IQCM: variants seen among roughly 807,000 people sequenced by gnomAD.
IQCM encodes the protein IQ motif containing M.
In IQCM, 45 loss-of-function variants were observed where a neutral mutation model predicts 57.6. The observed-to-expected ratio is 0.78, with a 90% CI of 0.62 to 1.00. The LOEUF is 1.00. Ranked by LOEUF, IQCM falls within the 50% of genes least tolerant of loss-of-function variation. The probability of loss-of-function intolerance (pLI) is 0.00; values close to 1 mark genes in which losing one functional copy is unlikely to be tolerated. For missense variants in IQCM, 468 were observed against 511.6 expected, an observed-to-expected ratio of 0.91 and a Z score of 0.82; for synonymous variants, 148 against 158.9, an observed-to-expected ratio of 0.93 and a Z score of 0.51.
In IQCM at chr4:149,687,920, C is replaced by T. The variant is rs1762665112; in HGVS notation, c.386-1452G>A. ...AGCACCGCTTTATGATTAAAACTCC[C>T]AGCAAAATCAGCATACAAGGGACAT... On this transcript the variant is annotated intron_variant, in intron 5 of 13. Transcript: ENST00000636793. Among the ~76,000 whole-genome samples the T allele has an allele frequency of 2.6e-5, 4 of 151,962 alleles. No individual in the cohort carries two copies. In the South Asian group the frequency reaches 8.3e-4, roughly 32 times the overall value.
chr4:149,804,593 T>A (rs1299672002), intron 2 of IQCM, among the ~76,000 whole-genome samples: 1 of 152,108 alleles, frequency 6.6e-6, no homozygotes, highest in Non-Finnish European at 1.5e-5. Flanking sequence ...CAAGCTGACA[T>A]GTCAGACCAG....
chr4:149,688,286 T>C (rs1319228324), intron 5 of IQCM, among the ~76,000 whole-genome samples: 1 of 151,934 alleles, frequency 6.6e-6, no homozygotes, highest in Non-Finnish European at 1.5e-5. Flanking sequence ...CACAAATCAG[T>C]AGCTCTTCCA....
intron 7 of IQCM, among the ~76,000 whole-genome samples, chr4:149,657,633 A>T (rs995834083): frequency 6.6e-6 from 1 of 152,094 alleles, no homozygotes; most frequent in Non-Finnish European, 1.5e-5. Flanking sequence ...AGCAGTATAT[A>T]AGTGTTTCCT....
chr4:149,356,521 T>A (rs1479374178), intron 13 of IQCM, among the ~76,000 whole-genome samples: 1 of 152,118 alleles, frequency 6.6e-6, no homozygotes, highest in Non-Finnish European at 1.5e-5. Flanking sequence ...CCATTGCTTG[T>A]TTTTCTCAGG....
At chr4:149,697,722 T>C (rs2149807119) in intron 5 of IQCM, among the ~76,000 whole-genome samples, 1 of 152,282 alleles carries the variant, frequency 6.6e-6, no homozygotes, top group East Asian at 1.9e-4. Context: ...ATTATCACTT[T>C]TTGTCATTAT....
At chr4:149,681,454 G>A (rs1271711644) in intron 7 of IQCM, among the ~76,000 whole-genome samples, 1 of 151,128 alleles carries the variant, frequency 6.6e-6, no homozygotes, top group Non-Finnish European at 1.5e-5. Flanking sequence ...GAATTTGTTT[G>A]GAAGTGAGCT....
chr4:149,739,763 A>C (rs2149903337), intron 3 of IQCM, among the ~76,000 whole-genome samples: 1 of 152,018 alleles, frequency 6.6e-6, no homozygotes, highest in African/African-American at 2.4e-5. Context: ...TTCCTATAGG[A>C]AAAAAAATAT....
intron 2 of IQCM, among the ~76,000 whole-genome samples, chr4:149,758,005 CTTCAT>C (rs772606064): frequency 1.3e-5 from 2 of 152,128 alleles, no homozygotes; most frequent in Non-Finnish European, 1.5e-5. Flanking sequence ...ACTAGCACTA[CTTCAT>C]TTCAAGTCTT....
intron 6 of IQCM, among the ~76,000 whole-genome samples, chr4:149,685,535 T>TG (rs745570400): frequency 2.6e-5 from 4 of 151,538 alleles, no homozygotes; most frequent in Admixed American, 6.6e-5. Flanking sequence ...ACCCTGAGCA[T>TG]GGATCTTCTA....
rs1372000026 is a variant in IQCM at position 149,689,089 on chromosome 4, A to G, written c.386-2621T>C. ...CCCAAAAGCAAATGCAATAAAAACA[A>G]AGATAAGGACACATGCACACCTATG... On this transcript the variant is annotated intron_variant, in intron 5 of 13. Transcript: ENST00000636793. 4.6e-5 allele frequency among the ~76,000 whole-genome samples: 7 copies of G among 152,152 alleles called. No individual in the cohort carries two copies. In the East Asian group the frequency reaches 1.4e-3, roughly 29 times the overall value.
intron 12 of IQCM, among the ~76,000 whole-genome samples, chr4:149,440,338 C>T (rs1234802484): frequency 6.6e-6 from 1 of 151,716 alleles, no homozygotes; most frequent in African/African-American, 2.4e-5. Context: ...AGACAAATCG[C>T]ATCATTTTGG....
intron 2 of IQCM, among the ~76,000 whole-genome samples, chr4:149,783,742 C>T (rs1307970442): frequency 2.6e-5 from 4 of 152,122 alleles, no homozygotes; most frequent in Non-Finnish European, 4.4e-5. Flanking sequence ...GAGAGAGAGG[C>T]TCTCATTGTG....
chr4:149,651,463 A>T (rs1042080524), intron 7 of IQCM, among the ~76,000 whole-genome samples: 1 of 152,128 alleles, frequency 6.6e-6, no homozygotes, highest in East Asian at 1.9e-4. Flanking sequence ...CACATACACA[A>T]ATTTGTGTCA....
At chr4:149,516,240 A>G (rs543816139) in intron 12 of IQCM, among the ~76,000 whole-genome samples, 8 of 152,310 alleles carry the variant, frequency 5.3e-5, no homozygotes, top group African/African-American at 1.4e-4. Context: ...CATCATGGAA[A>G]AGGCAGAGGT....
At chr4:149,588,559 T>C (rs1450122856) in intron 8 of IQCM, among the ~76,000 whole-genome samples, 1 of 151,816 alleles carries the variant, frequency 6.6e-6, no homozygotes, top group African/African-American at 2.4e-5. Flanking sequence ...GAAGTAACTA[T>C]GGCTGAATGA....
chr4:149,401,963 T>C (rs778370569), intron 13 of IQCM, among the ~76,000 whole-genome samples: 3 of 151,808 alleles, frequency 2.0e-5, no homozygotes, highest in Non-Finnish European at 4.4e-5. Context: ...TTGGATGATG[T>C]GGAAATAGAA....
chr4:149,557,564 G>A (rs1427416424), intron 10 of IQCM, among the ~76,000 whole-genome samples: 1 of 151,878 alleles, frequency 6.6e-6, no homozygotes, highest in Non-Finnish European at 1.5e-5. Context: ...CAATCTCCTC[G>A]AACATTCAAA....
intron 2 of IQCM, among the ~76,000 whole-genome samples, chr4:149,754,801 G>A (rs1319265966): frequency 1.3e-5 from 2 of 152,038 alleles, no homozygotes; most frequent in East Asian, 3.9e-4. Context: ...CTGGCTCATG[G>A]CTTTCAATAC....
intron 7 of IQCM, among the ~76,000 whole-genome samples, chr4:149,648,491 C>T (rs1443890136): frequency 5.9e-5 from 9 of 152,102 alleles, no homozygotes; most frequent in Admixed American, 2.0e-4. Flanking sequence ...TGAAAAGTGC[C>T]GTAATAAACA....
Sources: gnomAD v4.1 joint callset for allele counts (sites outside exome capture counted in the v4.1 genomes callset) on GRCh38, gnomAD v4.1.1 for gene constraint, MANE v1.5 for transcripts, NCBI Gene and HGNC (gene_info 2026-07-23, HGNC 2026-07-21) for gene names.